MARCHF1: variants seen among roughly 807,000 people sequenced by gnomAD.
MARCHF1 encodes the protein membrane associated ring-CH-type finger 1.
In MARCHF1, 40 loss-of-function variants were observed where a neutral mutation model predicts 54.2. The observed-to-expected ratio is 0.74, with a 90% CI of 0.57 to 0.96. The LOEUF (loss-of-function observed/expected upper bound fraction) is 0.96. Among genes scored for constraint, MARCHF1 ranks in the 40% least tolerant of loss-of-function variants. The probability of loss-of-function intolerance (pLI) is 0.00; values close to 1 mark genes in which losing one functional copy is unlikely to be tolerated. For synonymous variants in MARCHF1, 236 were observed against 236.3 expected (o/e 1.00, Z 0.01); for missense variants, 586 against 656.5 (o/e 0.89, Z 1.17).
intron 1 of MARCHF1, among the ~76,000 whole-genome samples, chr4:164,350,593 C>G (rs1022611130): frequency 6.6e-6 from 1 of 152,094 alleles, no homozygotes; most frequent in African/African-American, 2.4e-5. Flanking sequence ...ATACACGTAT[C>G]AAAATATCAC....
At chr4:164,258,846 G>A (rs1243167207) in intron 1 of MARCHF1, among the ~76,000 whole-genome samples, 2 of 151,982 alleles carry the variant, frequency 1.3e-5, no homozygotes, top group African/African-American at 4.8e-5. Context: ...ATGTTTTAAT[G>A]ATGAAAAACA....
At chr4:163,574,712 A>C (rs1374823904) in intron 8 of MARCHF1, among the ~76,000 whole-genome samples, 260 of 151,992 alleles carry the variant, frequency 1.7e-3, no homozygotes, top group African/African-American at 5.9e-3. Context: ...GTTTTGGTTA[A>C]TGTAGCCTTG....
At chr4:164,097,137 T>C (rs1180899853) in intron 2 of MARCHF1, among the ~76,000 whole-genome samples, 2 of 152,280 alleles carry the variant, frequency 1.3e-5, no homozygotes, top group South Asian at 2.1e-4. Flanking sequence ...GTAATGCAAG[T>C]CTCACAACAC....
chr4:164,001,639 C>A (rs2110918696), intron 2 of MARCHF1, among the ~76,000 whole-genome samples: 1 of 151,956 alleles, frequency 6.6e-6, no homozygotes, highest in African/African-American at 2.4e-5. Context: ...CAGCTTTCTG[C>A]CTGGAGGCAA....
intron 5 of MARCHF1, among the ~76,000 whole-genome samples, chr4:163,688,717 G>C (rs372320228): frequency 6.6e-6 from 1 of 152,096 alleles, no homozygotes; most frequent in Non-Finnish European, 1.5e-5. Flanking sequence ...AATAATGATT[G>C]CTAAGAGTAT....
intron 1 of MARCHF1, among the ~76,000 whole-genome samples, chr4:164,153,175 A>G (rs1396556345): frequency 6.6e-6 from 1 of 152,200 alleles, no homozygotes; most frequent in Non-Finnish European, 1.5e-5. Context: ...ATTAGATTGC[A>G]TATACTAATG....
At chr4:163,947,650 C>T (rs1239470987) in intron 3 of MARCHF1, among the ~76,000 whole-genome samples, 1 of 152,174 alleles carries the variant, frequency 6.6e-6, no homozygotes, top group Non-Finnish European at 1.5e-5. Flanking sequence ...AAGAAATAAG[C>T]TCTGTTGACC....
intron 1 of MARCHF1, among the ~76,000 whole-genome samples, chr4:164,290,090 T>A (rs990814500): frequency 2.6e-5 from 4 of 151,860 alleles, no homozygotes; most frequent in Non-Finnish European, 4.4e-5. Context: ...CTCATATATG[T>A]CTCTATAATA....
At chr4:163,679,820 T>G (rs1744040822) in intron 5 of MARCHF1, among the ~76,000 whole-genome samples, 1 of 151,666 alleles carries the variant, frequency 6.6e-6, no homozygotes, top group Admixed American at 6.6e-5. Flanking sequence ...CACCGTGGTC[T>G]CGATCTCCTG....
chr4:164,114,214 ACTAAT>A (rs1255143643), intron 1 of MARCHF1, among the ~76,000 whole-genome samples: 1 of 152,040 alleles, frequency 6.6e-6, no homozygotes, highest in African/African-American at 2.4e-5. Context: ...TAACCAATCA[ACTAAT>A]CTATTGTTAT....
chr4:163,688,379 C>T (rs1004189655), intron 5 of MARCHF1, among the ~76,000 whole-genome samples: 3 of 152,118 alleles, frequency 2.0e-5, no homozygotes, highest in African/African-American at 7.2e-5. Context: ...ACTTCTTTGA[C>T]TTTTAACAAC....
intron 1 of MARCHF1, among the ~76,000 whole-genome samples, chr4:164,115,795 T>C (rs1021613377): frequency 1.3e-5 from 2 of 152,062 alleles, no homozygotes; most frequent in Non-Finnish European, 2.9e-5. Flanking sequence ...AACAATAAGA[T>C]ACAATTTTGA....
chr4:163,877,107 A>G (rs1750306165), intron 3 of MARCHF1, among the ~76,000 whole-genome samples: 1 of 152,184 alleles, frequency 6.6e-6, no homozygotes, highest in Non-Finnish European at 1.5e-5. Context: ...ACACTTAAGT[A>G]TATGGAAACC....
At chr4:164,079,748 G>A (rs1755056159) in intron 2 of MARCHF1, among the ~76,000 whole-genome samples, 1 of 151,850 alleles carries the variant, frequency 6.6e-6, no homozygotes, top group South Asian at 2.1e-4. Flanking sequence ...CTTTTTAGTA[G>A]TCATAATTTG....
chr4:164,170,258 A>G (rs929880069), intron 1 of MARCHF1, among the ~76,000 whole-genome samples: 1 of 152,174 alleles, frequency 6.6e-6, no homozygotes, highest in Admixed American at 6.5e-5. Flanking sequence ...TGTCATGGAC[A>G]CAGAGCTTTA....
chr4:163,861,633 G>A (rs1218461880), intron 3 of MARCHF1, among the ~76,000 whole-genome samples: 1 of 151,994 alleles, frequency 6.6e-6, no homozygotes, highest in Non-Finnish European at 1.5e-5. Context: ...ACTCAACATT[G>A]TTAACATATT....
intron 4 of MARCHF1, among the ~76,000 whole-genome samples, chr4:163,839,424 T>C (rs1262533182): frequency 6.6e-6 from 1 of 152,084 alleles, no homozygotes; most frequent in African/African-American, 2.4e-5. Context: ...TGAATGATCA[T>C]AGCAGGATTA....
intron 8 of MARCHF1, among the ~76,000 whole-genome samples, chr4:163,570,638 C>T (rs1739811926): frequency 6.6e-6 from 1 of 152,098 alleles, no homozygotes; most frequent in Non-Finnish European, 1.5e-5. Flanking sequence ...ATTATACATT[C>T]TTGGCCTGGG....
chr4:164,252,909 T>C (rs1733168746), intron 1 of MARCHF1, among the ~76,000 whole-genome samples: 2 of 152,054 alleles, frequency 1.3e-5, no homozygotes, highest in African/African-American at 4.8e-5. Flanking sequence ...AAAGAGATAA[T>C]GTCAGTGATA....
Sources: gnomAD v4.1 joint callset for allele counts (sites outside exome capture counted in the v4.1 genomes callset) on GRCh38, gnomAD v4.1.1 for gene constraint, MANE v1.5 for transcripts, NCBI Gene and HGNC (gene_info 2026-07-23, HGNC 2026-07-21) for gene names.